ANXA4: variants seen among roughly 807,000 people sequenced by gnomAD.
ANXA4 encodes 35-beta calcimedin.
In ANXA4, 39 loss-of-function variants were observed where a neutral mutation model predicts 49.8. That is an observed-to-expected ratio of 0.78 (90% CI 0.61 to 1.02). ANXA4 has a LOEUF of 1.02. Among genes scored for constraint, ANXA4 ranks in the 50% least tolerant of loss-of-function variants. The pLI is 0.00. For synonymous variants in ANXA4, 134 were observed against 152.5 expected (o/e 0.88, Z 0.89); for missense variants, 360 against 410.1 (o/e 0.88, Z 1.05).
intron 2 of ANXA4, among the ~76,000 whole-genome samples, chr2:69,692,447 G>A (rs1678008483): frequency 1.3e-5 from 2 of 152,090 alleles, no homozygotes; most frequent in Admixed American, 1.3e-4. Flanking sequence ...CCTAATGAAC[G>A]CCTACTTATT....
chr2:69,680,799 T>C (rs1288690225), intron 2 of ANXA4, among the ~76,000 whole-genome samples: 1 of 152,214 alleles, frequency 6.6e-6, no homozygotes, highest in Non-Finnish European at 1.5e-5. Flanking sequence ...ATGTAATGTA[T>C]CACATTTATT....
In ANXA4 at chr2:69,793,794, G is replaced by A. The variant is rs578168267; in HGVS notation, c.97+5653G>A. On this transcript the variant is annotated intron_variant, in intron 3 of 12. Transcript: ENST00000394295. Reference sequence around the variant, plus strand: ...TTTCCCCAAGGAGTCCCAGGCCACCGGAAGCCATTCTAGGTGCACCAAGAG... The same window carrying A: ...TTTCCCCAAGGAGTCCCAGGCCACCAGAAGCCATTCTAGGTGCACCAAGAG... Among the ~76,000 whole-genome samples, 76 of 151,698 alleles carry A rather than the reference G, an allele frequency of 5.0e-4. 1 individual carries two copies. The South Asian group carries it at 0.015, about 30-fold the overall frequency.
intron 2 of ANXA4, among the ~76,000 whole-genome samples, chr2:69,711,606 C>T (rs554927504): frequency 6.6e-6 from 1 of 152,294 alleles, no homozygotes; most frequent in East Asian, 1.9e-4. Flanking sequence ...TGACTGTATA[C>T]ATTTGTCAAG....
At chr2:69,694,567 C>A (rs929679005) in intron 2 of ANXA4, among the ~76,000 whole-genome samples, 3 of 130,602 alleles carry the variant, frequency 2.3e-5, no homozygotes, top group Non-Finnish European at 4.7e-5. Flanking sequence ...TGTTCCCCTT[C>A]CTGTGTCCAT....
At chr2:69,718,869 C>T (rs1289287110) in intron 2 of ANXA4, among the ~76,000 whole-genome samples, 3 of 152,086 alleles carry the variant, frequency 2.0e-5, no homozygotes, top group African/African-American at 4.8e-5. Flanking sequence ...CACATGTGTG[C>T]ATACGCACAT....
rs1168104287 is a variant in ANXA4 at position 69,806,480 on chromosome 2, G to C, written c.288G>C (p.Glu96Asp). The C allele has an allele frequency of 6.2e-7, 1 of 1,614,020 alleles. No individual in the cohort carries two copies. The change falls in exon 5 of 13, where the codon GAG becomes GAC. Residue 96 changes from glutamate (E) to aspartate (D), a missense_variant. Coordinates refer to ENST00000394295, the MANE Select transcript of ANXA4 (RefSeq NM_001153.5). ...MTPTVLYDVQ[E>D]LRRAMKGAGT... Reference sequence around the variant, plus strand: ...CCACGGTGCTGTATGACGTGCAAGAGCTGCGAAGGGCCATGAAGGTCTGTG... The same window carrying C: ...CCACGGTGCTGTATGACGTGCAAGACCTGCGAAGGGCCATGAAGGTCTGTG...
At chr2:69,773,293 C>G (rs577514616) in intron 1 of ANXA4, among the ~76,000 whole-genome samples, 1 of 152,260 alleles carries the variant, frequency 6.6e-6, no homozygotes, top group South Asian at 2.1e-4. Context: ...GTGGAATGTT[C>G]ATATTAAAGC....
chr2:69,672,906 TA>T (rs572542914), intron 2 of ANXA4, among the ~76,000 whole-genome samples: 52 of 144,194 alleles, frequency 3.6e-4, no homozygotes, highest in Middle Eastern at 3.5e-3. Context: ...ACATAACATA[TA>T]AAAAAAAAAG....
At chr2:69,807,757 G>A (rs1673507486) in intron 5 of ANXA4, 149 bp from the exon 6 acceptor site, 3 of 637,938 alleles carry the variant, frequency 4.7e-6, no homozygotes, top group Admixed American at 5.8e-5. Context: ...GGTTTCGGGT[G>A]GGACAATAAA....
At chr2:69,754,051 T>C (rs1053442462) in intron 1 of ANXA4, among the ~76,000 whole-genome samples, 6 of 152,218 alleles carry the variant, frequency 3.9e-5, no homozygotes, top group Non-Finnish European at 8.8e-5. Context: ...AGAATTTAAT[T>C]TGAAGTTTCA....
At chr2:69,708,408 G>C (rs1222618193) in intron 2 of ANXA4, among the ~76,000 whole-genome samples, 1 of 152,164 alleles carries the variant, frequency 6.6e-6, no homozygotes, top group African/African-American at 2.4e-5. Context: ...TTTTAAGGCT[G>C]TCCATGGCGA....
At chr2:69,754,826 C>A (rs1369370985) in intron 1 of ANXA4, among the ~76,000 whole-genome samples, 2 of 152,182 alleles carry the variant, frequency 1.3e-5, no homozygotes, top group Non-Finnish European at 2.9e-5. Context: ...CTGGGGCCTT[C>A]CCCTCTGGCT....
intron 1 of ANXA4, among the ~76,000 whole-genome samples, chr2:69,652,734 C>T (rs1676298279): frequency 1.3e-5 from 2 of 152,116 alleles, no homozygotes; most frequent in Admixed American, 1.3e-4. Flanking sequence ...TGGCAGGTGC[C>T]TGTAATCCCA....
chr2:69,749,268 T>C (rs894653503), intron 1 of ANXA4, among the ~76,000 whole-genome samples: 2 of 152,136 alleles, frequency 1.3e-5, no homozygotes, highest in Non-Finnish European at 2.9e-5. Context: ...ATGGTTTCCT[T>C]TTTTGGTAGG....
At chr2:69,820,959 TCTC>T (rs1161635503) in intron 12 of ANXA4, 138 bp downstream of exon 12, 4 of 980,434 alleles carry the variant, frequency 4.1e-6, no homozygotes, top group Non-Finnish European at 5.7e-6. Context: ...ATTTCCAGTC[TCTC>T]CTCTTTCACA....
At chr2:69,756,786 T>C (rs573961505) in intron 1 of ANXA4, among the ~76,000 whole-genome samples, 3 of 152,034 alleles carry the variant, frequency 2.0e-5, no homozygotes, top group African/African-American at 7.2e-5. Context: ...TTAAAATTTA[T>C]AATATATGCA....
chr2:69,653,062 G>A (rs1481116107), exon 2 of ANXA4: 1 of 152,172 alleles, frequency 6.6e-6, no homozygotes, highest in Non-Finnish European at 1.5e-5. Flanking sequence ...GGTGTGATCT[G>A]TGTCTGAGGA....
At chr2:69,682,845 A>C (rs6718872) in intron 2 of ANXA4, among the ~76,000 whole-genome samples, 39,617 of 152,060 alleles carry the variant, frequency 0.26, 5,311 homozygotes, top group East Asian at 0.4. Context: ...AGGTCTAGAG[A>C]GTTCTTAACA....
At chr2:69,710,766 A>T (rs1678648947) in intron 2 of ANXA4, among the ~76,000 whole-genome samples, 1 of 152,220 alleles carries the variant, frequency 6.6e-6, no homozygotes, top group Non-Finnish European at 1.5e-5. Context: ...TAATACTACA[A>T]ACACTACAGG....
Sources: allele counts gnomAD v4.1 joint callset (sites outside exome capture counted in the v4.1 genomes callset), GRCh38; gene constraint gnomAD v4.1.1; transcripts MANE v1.5; gene names NCBI Gene and HGNC (gene_info 2026-07-23, HGNC 2026-07-21).